Variants in SLCO3A1 observed in about 807,000 individuals in gnomAD.
SLCO3A1 encodes solute carrier organic anion transporter family member 3A1, also known as PGE1 transporter.
In SLCO3A1, 27 loss-of-function variants were observed where a neutral mutation model predicts 63.1. The observed-to-expected ratio is 0.43, with a 90% CI of 0.32 to 0.59. SLCO3A1 has a LOEUF of 0.59. Ranked by LOEUF, SLCO3A1 falls within the 20% of genes least tolerant of loss-of-function variation. The probability of loss-of-function intolerance (pLI) is 0.09; values close to 1 mark genes in which losing one functional copy is unlikely to be tolerated. For synonymous variants in SLCO3A1, 473 were observed against 409.9 expected (o/e 1.15, Z -1.86); for missense variants, 773 against 945.8 (o/e 0.82, Z 2.40).
At chr15:91,919,833 G>A (rs1333245011) in intron 2 of SLCO3A1, among the ~76,000 whole-genome samples, 1 of 151,790 alleles carries the variant, frequency 6.6e-6, no homozygotes, top group Non-Finnish European at 1.5e-5. Context: ...TAGTTAAAAA[G>A]CATTACATGT....
chr15:92,054,342 T>A (rs1376741955), intron 2 of SLCO3A1, among the ~76,000 whole-genome samples: 3 of 152,226 alleles, frequency 2.0e-5, no homozygotes, highest in Admixed American at 6.5e-5. Flanking sequence ...TGCACACTTC[T>A]ATGTTTGTTT....
intron 2 of SLCO3A1, among the ~76,000 whole-genome samples, chr15:92,018,834 C>A (rs1428786840): frequency 1.3e-5 from 2 of 152,134 alleles, no homozygotes; most frequent in African/African-American, 4.8e-5. Flanking sequence ...AAGAGCCTGG[C>A]CACTGAGGCA....
intron 2 of SLCO3A1, among the ~76,000 whole-genome samples, chr15:92,012,913 G>A (rs115043817): frequency 0.012 from 1,839 of 152,284 alleles, 49 homozygotes; most frequent in African/African-American, 0.042. Context: ...AAAGAAAATG[G>A]CATTTGTTGA....
At chr15:91,881,469 C>T (rs1454243087) in intron 1 of SLCO3A1, among the ~76,000 whole-genome samples, 2 of 152,000 alleles carry the variant, frequency 1.3e-5, no homozygotes, top group African/African-American at 4.8e-5. Flanking sequence ...ATAAAATGCA[C>T]GATAAAGAAA....
Position 92,078,424 on chromosome 15 carries a change from G to A in SLCO3A1, c.647-16457G>A, listed in dbSNP as rs184048602. ...GACACACCTGAGCCCAGGAGCTGCT[G>A]TGCTTCTTGCTGTAGGCAGGTCATA... On this transcript the variant is annotated intron_variant, in intron 2 of 9. Coordinates refer to ENST00000318445, the MANE Select transcript of SLCO3A1 (RefSeq NM_013272.4). Among the ~76,000 whole-genome samples, 632 of 152,326 alleles carry A rather than the reference G, an allele frequency of 4.1e-3. 2 individuals carry two copies. Among genetic ancestry groups the A allele is most frequent in the Admixed American group, 9.5e-3 (145 of 15,308 alleles).
intron 9 of SLCO3A1, chr15:92,151,241 C>T (rs548423754): frequency 6.7e-6 from 3 of 450,052 alleles, no homozygotes; most frequent in South Asian, 3.5e-5. Flanking sequence ...CTTCACGCCA[C>T]CGTGAATTCT....
chr15:92,084,709 C>T (rs1230756138), intron 2 of SLCO3A1, among the ~76,000 whole-genome samples: 1 of 152,202 alleles, frequency 6.6e-6, no homozygotes, highest in Non-Finnish European at 1.5e-5. Flanking sequence ...TGCAGCTCCT[C>T]GGGCAGCCTG....
intron 2 of SLCO3A1, among the ~76,000 whole-genome samples, chr15:92,018,837 C>T (rs1032345888): frequency 5.3e-5 from 8 of 152,186 alleles, no homozygotes; most frequent in Non-Finnish European, 7.3e-5. Context: ...AGCCTGGCCA[C>T]TGAGGCATCC....
chr15:91,880,558 C>G (rs112952575), intron 1 of SLCO3A1, among the ~76,000 whole-genome samples: 3 of 152,234 alleles, frequency 2.0e-5, no homozygotes, highest in African/African-American at 7.2e-5. Flanking sequence ...TTCTGTTCTC[C>G]ATCTCTCTAA....
chr15:92,147,450 A>G (rs1377180486), intron 8 of SLCO3A1, among the ~76,000 whole-genome samples: 1 of 152,142 alleles, frequency 6.6e-6, no homozygotes, highest in East Asian at 1.9e-4. Flanking sequence ...TACAGGACGC[A>G]GCCTCGTTGG....
intron 3 of SLCO3A1, among the ~76,000 whole-genome samples, chr15:92,097,184 A>T (rs1567117850): frequency 6.6e-6 from 1 of 152,214 alleles, no homozygotes; most frequent in Admixed American, 6.5e-5. Context: ...CTGAGCTGGA[A>T]AGAGCCTCAG....
rs1347238252 is a variant in SLCO3A1, at chr15:91,991,047, A to C, written c.646+74589A>C. ...GTGTTACCAGATTTCTTTATTTTTA[A>C]AAAGAATGCAGGGTATGTTTGTTTT... On this transcript the variant is annotated intron_variant, in intron 2 of 9. Coordinates refer to ENST00000318445, the MANE Select transcript of SLCO3A1 (RefSeq NM_013272.4). Among the ~76,000 whole-genome samples the C allele has an allele frequency of 2.0e-5, 3 of 152,088 alleles. No homozygotes were observed. In the East Asian group the frequency reaches 5.8e-4, roughly 29 times the overall value.
At chr15:92,091,122 C>CT (rs1197064986) in intron 2 of SLCO3A1, among the ~76,000 whole-genome samples, 6 of 152,194 alleles carry the variant, frequency 3.9e-5, no homozygotes, top group Non-Finnish European at 7.3e-5. Flanking sequence ...CTGAACCACT[C>CT]TAAGATTCTG....
At chr15:92,022,978 G>A (rs774723772) in intron 2 of SLCO3A1, among the ~76,000 whole-genome samples, 5 of 150,232 alleles carry the variant, frequency 3.3e-5, no homozygotes, top group Non-Finnish European at 5.9e-5. Context: ...GAGTGGCTTT[G>A]TAGCCAGAAG....
chr15:92,094,468 G>A (rs1373431798), intron 2 of SLCO3A1, among the ~76,000 whole-genome samples: 2 of 152,236 alleles, frequency 1.3e-5, no homozygotes, highest in African/African-American at 4.8e-5. Flanking sequence ...AGTTTGCACA[G>A]TGGGTGTCAA....
chr15:91,924,154 A>G (rs78028386), intron 2 of SLCO3A1, among the ~76,000 whole-genome samples: 2,764 of 152,266 alleles, frequency 0.018, 97 homozygotes, highest in African/African-American at 0.063. Flanking sequence ...ACATCTGCTC[A>G]GGGGTCACAA....
At chr15:92,118,587 A>G (rs1283490804) in intron 4 of SLCO3A1, among the ~76,000 whole-genome samples, 2 of 152,178 alleles carry the variant, frequency 1.3e-5, no homozygotes, top group African/African-American at 4.8e-5. Flanking sequence ...TGGGCCGCTT[A>G]GAGGTTTCAT....
intron 2 of SLCO3A1, among the ~76,000 whole-genome samples, chr15:91,953,889 G>C (rs74881816): frequency 0.024 from 3,610 of 152,266 alleles, 131 homozygotes; most frequent in African/African-American, 0.082. Flanking sequence ...TCTTCCTTCT[G>C]AGGTGGAGGA....
In SLCO3A1 at chr15:91,954,154, T is replaced by C. The variant is rs533290645; in HGVS notation, c.646+37696T>C. Among the ~76,000 whole-genome samples, 28 of 152,316 alleles carry C rather than the reference T, an allele frequency of 1.8e-4. No homozygotes were observed. The highest frequency in any genetic ancestry group is 6.7e-4 in the African/African-American group (28 of 41,576). On this transcript the variant is annotated intron_variant, in intron 2 of 9. Transcript: ENST00000318445. The surrounding 1 kb of genome is among the most constrained non-coding windows in gnomAD (Gnocchi z 4.7). ...AGGCACATACAGTCTGTGAAGATAG[T>C]TTTGACCTCCTAGACCTCTCTGCTC...
Sources: allele counts gnomAD v4.1 joint callset (sites outside exome capture counted in the v4.1 genomes callset), GRCh38; gene constraint gnomAD v4.1.1; non-coding constraint Gnocchi (gnomAD v3.1); transcripts MANE v1.5; gene names NCBI Gene and HGNC (gene_info 2026-07-23, HGNC 2026-07-21).